CTNNA2: variants seen among roughly 807,000 people sequenced by gnomAD.
CTNNA2 encodes catenin alpha-2.
A neutral mutation model predicts 101.0 loss-of-function variants in CTNNA2; 42 were observed. The ratio of observed to expected loss-of-function variants is 0.42; its 90% CI spans 0.32 to 0.54. The LOEUF is 0.54. Among genes scored for constraint, CTNNA2 ranks in the 20% least tolerant of loss-of-function variants. The pLI, the probability that CTNNA2 is intolerant of heterozygous loss-of-function variation, is 0.14. For synonymous variants in CTNNA2, 450 were observed against 456.4 expected (o/e 0.99, Z 0.18); for missense variants, 871 against 1,223.1 (o/e 0.71, Z 4.29).
At chr2:79,605,618 A>G (rs1677836990) in intron 1 of CTNNA2, among the ~76,000 whole-genome samples, 2 of 152,170 alleles carry the variant, frequency 1.3e-5, no homozygotes, top group African/African-American at 4.8e-5. Context: ...TTAAAGCAAT[A>G]TAAGGCTAGG....
At chr2:79,910,057 G>T (rs1229945995) in intron 7 of CTNNA2, among the ~76,000 whole-genome samples, 3 of 152,072 alleles carry the variant, frequency 2.0e-5, no homozygotes. Flanking sequence ...ATTTCTTCTC[G>T]GTCATTTTAG....
rs546182663 is a variant in CTNNA2, at chr2:80,638,105, G to A, written c.2575-9480G>A. ...ATGATATCACCTAGGGAGGGAGAAG[G>A]GTAGAAATAGAGGGATCAAAGGTAG... On this transcript the variant is annotated intron_variant, in intron 18 of 18. Transcript: ENST00000402739. 3.9e-5 allele frequency among the ~76,000 whole-genome samples: 6 copies of A among 152,120 alleles called. No individual in the cohort carries two copies. The South Asian group carries it at 8.3e-4, about 21-fold the overall frequency.
chr2:80,245,606 G>A (rs1671257678), intron 7 of CTNNA2, among the ~76,000 whole-genome samples: 1 of 151,614 alleles, frequency 6.6e-6, no homozygotes, highest in Non-Finnish European at 1.5e-5. Context: ...GTCATTCAGT[G>A]TGTACATTCC....
intron 2 of CTNNA2, among the ~76,000 whole-genome samples, chr2:79,684,847 T>C (rs1683828648): frequency 6.6e-6 from 1 of 152,196 alleles, no homozygotes; most frequent in Non-Finnish European, 1.5e-5. Context: ...TTTAAATGTT[T>C]AACTTTCTTT....
intron 7 of CTNNA2, among the ~76,000 whole-genome samples, chr2:80,325,582 T>A (rs950886992): frequency 6.6e-6 from 1 of 152,188 alleles, no homozygotes; most frequent in Non-Finnish European, 1.5e-5. Flanking sequence ...ATCAGAGAAA[T>A]CTTGTTTAAA....
intron 6 of CTNNA2, among the ~76,000 whole-genome samples, chr2:79,903,050 T>G (rs1336060724): frequency 6.6e-6 from 1 of 152,200 alleles, no homozygotes; most frequent in Admixed American, 6.5e-5. Context: ...TGTAAATGAA[T>G]GAGCCTGACT....
At chr2:79,612,323 A>G (rs572312757) in intron 1 of CTNNA2, among the ~76,000 whole-genome samples, 1 of 152,322 alleles carries the variant, frequency 6.6e-6, no homozygotes, top group East Asian at 1.9e-4. Flanking sequence ...TTTGAATTTT[A>G]ATAAATGCTG....
intron 7 of CTNNA2, among the ~76,000 whole-genome samples, chr2:80,178,668 G>A (rs1248233006): frequency 6.6e-6 from 1 of 152,104 alleles, no homozygotes; most frequent in African/African-American, 2.4e-5. Context: ...CGAAAAATGG[G>A]CCAGAGTAAT....
intron 1 of CTNNA2, among the ~76,000 whole-genome samples, chr2:79,610,169 T>C (rs1237999958): frequency 6.6e-6 from 1 of 152,094 alleles, no homozygotes; most frequent in Admixed American, 6.6e-5. Flanking sequence ...GTGAAAATAA[T>C]TTCAGCATCA....
At chr2:80,386,475 A>T (rs1334997251) in intron 7 of CTNNA2, among the ~76,000 whole-genome samples, 1 of 152,206 alleles carries the variant, frequency 6.6e-6, no homozygotes, top group Non-Finnish European at 1.5e-5. Flanking sequence ...TAATGGTGCT[A>T]TTTGTACTAA....
chr2:80,526,360 T>G (rs927187899), intron 9 of CTNNA2, among the ~76,000 whole-genome samples: 16 of 152,154 alleles, frequency 1.1e-4, no homozygotes, highest in Non-Finnish European at 1.6e-4. Flanking sequence ...TCACCACATC[T>G]GGCTAATTTT....
At chr2:80,128,698 T>G (rs1702260031) in intron 7 of CTNNA2, among the ~76,000 whole-genome samples, 3 of 152,142 alleles carry the variant, frequency 2.0e-5, no homozygotes, top group Admixed American at 2.0e-4. Context: ...ATTTTTCTTC[T>G]CTATAAGCTC....
chr2:80,138,698 T>C (rs1277222632), intron 7 of CTNNA2, among the ~76,000 whole-genome samples: 1 of 152,132 alleles, frequency 6.6e-6, no homozygotes, highest in East Asian at 1.9e-4. Flanking sequence ...ATCTGCATGG[T>C]ACTAACTCTC....
intron 1 of CTNNA2, among the ~76,000 whole-genome samples, chr2:79,544,941 C>A (rs1673640903): frequency 6.6e-6 from 1 of 152,090 alleles, no homozygotes; most frequent in African/African-American, 2.4e-5. Context: ...CCAATTGGAG[C>A]ATATGATAAT....
At chr2:79,883,325 T>C (rs1398974243) in intron 6 of CTNNA2, among the ~76,000 whole-genome samples, 2 of 152,240 alleles carry the variant, frequency 1.3e-5, no homozygotes, top group Non-Finnish European at 2.9e-5. Flanking sequence ...TGAGTAGTTA[T>C]AATTGTGGCT....
At chr2:79,850,677 T>C (rs1258922872) in intron 3 of CTNNA2, among the ~76,000 whole-genome samples, 1 of 152,184 alleles carries the variant, frequency 6.6e-6, no homozygotes, top group Non-Finnish European at 1.5e-5. Flanking sequence ...TACCATCTGT[T>C]TGACCTTGGG....
intron 4 of CTNNA2, among the ~76,000 whole-genome samples, chr2:79,452,830 TGAG>T (rs1670772746): frequency 6.6e-6 from 1 of 152,114 alleles, no homozygotes; most frequent in South Asian, 2.1e-4. Context: ...AGTCACTCAT[TGAG>T]TTCCATTATA....
intron 7 of CTNNA2, among the ~76,000 whole-genome samples, chr2:80,215,525 G>C (rs1263930850): frequency 6.6e-6 from 1 of 152,178 alleles, no homozygotes; most frequent in African/African-American, 2.4e-5. Context: ...GCTGGAGGTC[G>C]ACTCCAGACG....
chr2:80,434,918 T>C (rs1405461499), intron 9 of CTNNA2, among the ~76,000 whole-genome samples: 1 of 152,144 alleles, frequency 6.6e-6, no homozygotes, highest in African/African-American at 2.4e-5. Context: ...GAATGAGTTT[T>C]TTTTCCTTGG....
Sources: gnomAD v4.1 joint callset for allele counts (sites outside exome capture counted in the v4.1 genomes callset) on GRCh38, gnomAD v4.1.1 for gene constraint, MANE v1.5 for transcripts, NCBI Gene and HGNC (gene_info 2026-07-23, HGNC 2026-07-21) for gene names.